Variants in CHN1 observed in about 807,000 individuals in gnomAD.
CHN1 encodes N-chimaerin.
A neutral mutation model predicts 59.5 loss-of-function variants in CHN1; 37 were observed. That is an observed-to-expected ratio of 0.62 (90% CI 0.48 to 0.82). The LOEUF (loss-of-function observed/expected upper bound fraction) is 0.82. CHN1 is among the 40% of genes least tolerant of loss of function. CHN1 has a pLI of 0.00. For missense variants in CHN1, 469 were observed against 571.0 expected, an observed-to-expected ratio of 0.82 and a Z score of 1.82; for synonymous variants, 206 against 200.4, an observed-to-expected ratio of 1.03 and a Z score of -0.24.
intron 6 of CHN1, among the ~76,000 whole-genome samples, chr2:174,853,022 C>G (rs890480098): frequency 6.6e-6 from 1 of 151,910 alleles, no homozygotes; most frequent in Non-Finnish European, 1.5e-5. Flanking sequence ...TACCCTTTTT[C>G]GTATCAACTT....
intron 8 of CHN1, 72 bp downstream of exon 8, chr2:174,824,362 C>G: frequency 1.7e-6 from 2 of 1,181,264 alleles, no homozygotes; most frequent in Non-Finnish European, 2.4e-6. Context: ...TGCATAACAA[C>G]AAGTCTCCTT....
chr2:174,804,125 G>A (rs1684813593), intron 11 of CHN1, among the ~76,000 whole-genome samples: 1 of 152,216 alleles, frequency 6.6e-6, no homozygotes, highest in Non-Finnish European at 1.5e-5. Context: ...AGCATTGGAA[G>A]TGTTGGGGGC....
intron 1 of CHN1, among the ~76,000 whole-genome samples, chr2:174,994,783 G>A (rs1166949907): frequency 6.6e-6 from 1 of 152,242 alleles, no homozygotes; most frequent in Non-Finnish European, 1.5e-5. Context: ...CAGCATGGCT[G>A]AAGCACAGTC....
intron 8 of CHN1, among the ~76,000 whole-genome samples, chr2:174,817,884 G>A (rs1329265557): frequency 2.6e-5 from 4 of 152,056 alleles, no homozygotes; most frequent in African/African-American, 4.8e-5. Flanking sequence ...TGATCCTCCC[G>A]CCTTGGCCTC....
chr2:174,951,743 C>CT (rs1244214536), intron 2 of CHN1, among the ~76,000 whole-genome samples: 6 of 152,124 alleles, frequency 3.9e-5, no homozygotes, highest in South Asian at 2.1e-4. Flanking sequence ...GTTAGATCAC[C>CT]TTTTTTTGCC....
In CHN1 at chr2:174,809,061, GAAAT is replaced by G; in HGVS notation, c.965-23_965-20del. 1.9e-6 allele frequency: 3 copies of G among 1,590,420 alleles called. No individual in the cohort carries two copies. The highest frequency in any genetic ancestry group is 2.6e-6 in the Non-Finnish European group (3 of 1,165,112). On this transcript the variant is annotated intron_variant, in intron 10 of 12. Coordinates refer to ENST00000409900, the MANE Select transcript of CHN1 (RefSeq NM_001822.7). ...TCACCATCTTTTAAGGATGTTGAAA[GAAAT>G]AAAAGTAAATATCTGGATTCACAGC...
chr2:174,951,839 T>C (rs1372044786), intron 2 of CHN1, among the ~76,000 whole-genome samples: 1 of 152,182 alleles, frequency 6.6e-6, no homozygotes, highest in African/African-American at 2.4e-5. Context: ...AATCAGGACC[T>C]GAAAATAATT....
At chr2:174,889,322 T>C (rs1221210834) in intron 5 of CHN1, among the ~76,000 whole-genome samples, 1 of 151,926 alleles carries the variant, frequency 6.6e-6, no homozygotes, top group Non-Finnish European at 1.5e-5. Flanking sequence ...CTTATAAGCA[T>C]ATGAAGAAAC....
intron 5 of CHN1, among the ~76,000 whole-genome samples, chr2:174,885,029 T>A (rs1015050121): frequency 2.0e-5 from 3 of 152,122 alleles, no homozygotes; most frequent in Admixed American, 1.3e-4. Context: ...GGCTCATGCC[T>A]GTAATCCCAG....
At chr2:174,875,171 G>A (rs893726867) in intron 6 of CHN1, among the ~76,000 whole-genome samples, 4 of 151,984 alleles carry the variant, frequency 2.6e-5, no homozygotes, top group African/African-American at 7.2e-5. Context: ...CACCATGCCC[G>A]GCCAGGATCA....
intron 6 of CHN1, 107 bp from the exon 7 acceptor site, chr2:174,847,064 T>C: frequency 2.6e-6 from 4 of 1,551,716 alleles, no homozygotes; most frequent in Admixed American, 2.0e-5. Flanking sequence ...CTGACGGCCC[T>C]CTTGTTTTGA....
chr2:174,934,548 C>T (rs1456369138), intron 3 of CHN1, among the ~76,000 whole-genome samples: 3 of 152,170 alleles, frequency 2.0e-5, no homozygotes, highest in Non-Finnish European at 4.4e-5. Flanking sequence ...GGGCCGGGGA[C>T]CCCTGTATTA....
At chr2:174,808,765 A>G in intron 11 of CHN1, 140 bp downstream of exon 11, 1 of 876,578 alleles carries the variant, frequency 1.1e-6, no homozygotes, top group South Asian at 1.6e-5. Context: ...ACAATGCAAA[A>G]TTCTTGTAAG....
intron 6 of CHN1, among the ~76,000 whole-genome samples, chr2:174,859,616 T>C (rs776621422): frequency 5.9e-5 from 9 of 152,110 alleles, no homozygotes; most frequent in African/African-American, 9.7e-5. Context: ...ATATATACTA[T>C]TTCATTGTAA....
At chr2:174,856,292 C>T (rs1686898500) in intron 6 of CHN1, among the ~76,000 whole-genome samples, 1 of 152,094 alleles carries the variant, frequency 6.6e-6, no homozygotes, top group Non-Finnish European at 1.5e-5. Context: ...ATCATAATTC[C>T]TAACTCAGTC....
At position 174,852,405 on chromosome 2, in the gene CHN1, A is replaced by G. The variant is rs576200651; in HGVS notation, c.550-5448T>C. Among the ~76,000 whole-genome samples, 24 of 152,350 alleles carry G rather than the reference A, an allele frequency of 1.6e-4. 1 individual carries two copies. The South Asian group carries it at 5.0e-3, about 32-fold the overall frequency. ...GAAAGATCTCTACAAGGAGAACTACAAAACATTGCTGAAAGAAATCAAAGA... is the reference window on the plus strand; with the variant it reads ...GAAAGATCTCTACAAGGAGAACTACGAAACATTGCTGAAAGAAATCAAAGA... On this transcript the variant is annotated intron_variant, in intron 6 of 12. Transcript: ENST00000409900.
At chr2:174,885,876 C>T (rs1443820899) in intron 5 of CHN1, among the ~76,000 whole-genome samples, 5 of 152,196 alleles carry the variant, frequency 3.3e-5, no homozygotes, top group Admixed American at 1.3e-4. Context: ...CCCACTACTA[C>T]ATAAATTTAT....
chr2:174,917,811 G>A (rs1688890137), intron 4 of CHN1, among the ~76,000 whole-genome samples: 1 of 151,972 alleles, frequency 6.6e-6, no homozygotes, highest in Admixed American at 6.5e-5. Context: ...ATGATCTCCA[G>A]TCAGAAAAAA....
At chr2:174,987,781 T>C (rs888468025) in intron 1 of CHN1, among the ~76,000 whole-genome samples, 4 of 152,180 alleles carry the variant, frequency 2.6e-5, no homozygotes, top group African/African-American at 9.7e-5. Flanking sequence ...ACTGCTTTTA[T>C]TTCACTTTTT....
Sources: gnomAD v4.1 joint callset for allele counts (sites outside exome capture counted in the v4.1 genomes callset) on GRCh38, gnomAD v4.1.1 for gene constraint, MANE v1.5 for transcripts, NCBI Gene and HGNC (gene_info 2026-07-23, HGNC 2026-07-21) for gene names.